The following NTRK2 variants were observed in gnomAD, a reference collection of about 807,000 sequenced individuals.
The protein encoded by NTRK2 is neurotrophic receptor tyrosine kinase 2, also known as BDNF/NT-3 growth factors receptor.
Under a neutral mutation model 94.5 loss-of-function variants are expected in NTRK2, and 13 were observed. The observed-to-expected ratio is 0.14, with a 90% CI of 0.09 to 0.22. The LOEUF (loss-of-function observed/expected upper bound fraction) is 0.22, where lower values mean the gene tolerates loss of function less well. Among genes scored for constraint, NTRK2 ranks in the 10% least tolerant of loss-of-function variants. The pLI is 1.00. For synonymous variants in NTRK2, 372 were observed against 407.4 expected, an observed-to-expected ratio of 0.91 and a Z score of 1.05; for missense variants, 639 against 1,071.2, an observed-to-expected ratio of 0.60 and a Z score of 5.63.
intron 17 of NTRK2, among the ~76,000 whole-genome samples, chr9:85,001,427 C>T (rs1830332074): frequency 6.6e-6 from 1 of 152,212 alleles, no homozygotes; most frequent in African/African-American, 2.4e-5. Flanking sequence ...CTCAGCTCCA[C>T]CATCTTTGTC....
intron 12 of NTRK2, among the ~76,000 whole-genome samples, chr9:84,828,334 T>C (rs1290259087): frequency 1.3e-5 from 2 of 152,236 alleles, no homozygotes; most frequent in Non-Finnish European, 2.9e-5. Context: ...CAAAGAGCTA[T>C]AACTTCATTA....
chr9:84,713,886 GT>G (rs201627891), intron 6 of NTRK2, among the ~76,000 whole-genome samples: 2,473 of 139,860 alleles, frequency 0.018, 37 homozygotes, highest in African/African-American at 0.04. Flanking sequence ...CTAGATGTGG[GT>G]TTTTTTTTTT....
At chr9:84,930,264 G>A (rs925604144) in intron 14 of NTRK2, among the ~76,000 whole-genome samples, 1 of 152,220 alleles carries the variant, frequency 6.6e-6, no homozygotes, top group Non-Finnish European at 1.5e-5. Flanking sequence ...AGCTGGAGGA[G>A]AAATGGCAGC....
intron 9 of NTRK2, among the ~76,000 whole-genome samples, chr9:84,736,308 C>A (rs192721681): frequency 1.3e-5 from 2 of 152,286 alleles, no homozygotes; most frequent in Admixed American, 6.5e-5. Flanking sequence ...ATGCGAAATG[C>A]GCGTCAGGAA....
intron 14 of NTRK2, among the ~76,000 whole-genome samples, chr9:84,905,415 G>T (rs532108571): frequency 1.3e-5 from 2 of 152,236 alleles, no homozygotes; most frequent in South Asian, 4.1e-4. Flanking sequence ...TCACCTGAAG[G>T]ATAGAGGGAA....
chr9:85,012,070 C>T (rs904731487), intron 17 of NTRK2, among the ~76,000 whole-genome samples: 9 of 151,692 alleles, frequency 5.9e-5, no homozygotes, highest in African/African-American at 2.2e-4. Context: ...CTCACTGCAA[C>T]CTCCGCCTCC....
At chr9:84,835,998 GGCA>G (rs760861169) in intron 12 of NTRK2, among the ~76,000 whole-genome samples, 77 of 152,256 alleles carry the variant, frequency 5.1e-4, no homozygotes, top group Middle Eastern at 6.8e-3. Context: ...ATTGTGCCAA[GGCA>G]TAATGCTAGA....
intron 12 of NTRK2, chr9:84,812,379 G>A (rs2071905389): frequency 9.4e-7 from 1 of 1,058,362 alleles, no homozygotes; most frequent in Non-Finnish European, 1.1e-6. Flanking sequence ...CTCAAAAGCA[G>A]AAACATGCCG....
chr9:84,810,936 T>G (rs2071711978), intron 12 of NTRK2: 4 of 1,158,408 alleles, frequency 3.5e-6, no homozygotes, highest in Non-Finnish European at 4.3e-6. Flanking sequence ...CTACTGGACA[T>G]TTATTGACTT....
At chr9:84,752,144 T>C in intron 12 of NTRK2, 59 bp downstream of exon 12, 2 of 1,286,942 alleles carry the variant, frequency 1.6e-6, no homozygotes, top group East Asian at 2.3e-5. Flanking sequence ...TTATGACTAA[T>C]GCTAATTACC....
chr9:84,890,557 C>T (rs932905823), intron 14 of NTRK2, among the ~76,000 whole-genome samples: 5 of 152,106 alleles, frequency 3.3e-5, no homozygotes, highest in African/African-American at 1.2e-4. Flanking sequence ...TATAGCTGAC[C>T]ATTTGAATGA....
intron 15 of NTRK2, among the ~76,000 whole-genome samples, chr9:84,943,700 A>G (rs541468554): frequency 9.8e-4 from 149 of 152,312 alleles, no homozygotes; most frequent in African/African-American, 3.1e-3. Context: ...GCCTCAGTGC[A>G]TTGCCAAGGG....
intron 12 of NTRK2, among the ~76,000 whole-genome samples, chr9:84,852,399 C>T (rs572637023): frequency 1.1e-4 from 17 of 152,286 alleles, no homozygotes; most frequent in African/African-American, 3.1e-4. Context: ...CAGGGAGCTT[C>T]GACAGCTGAG....
chr9:84,724,832 T>A (rs1360070388), intron 8 of NTRK2, among the ~76,000 whole-genome samples: 2 of 152,236 alleles, frequency 1.3e-5, no homozygotes, highest in Non-Finnish European at 2.9e-5. Context: ...TGTGAGAAGG[T>A]AGGATTAGTC....
At chr9:84,682,275 T>C (rs1330732803) in intron 2 of NTRK2, among the ~76,000 whole-genome samples, 1 of 152,250 alleles carries the variant, frequency 6.6e-6, no homozygotes, top group Non-Finnish European at 1.5e-5. Context: ...AAAGTGATTT[T>C]GCACATCTTC....
At chr9:84,981,602 G>A (rs992335079) in intron 17 of NTRK2, among the ~76,000 whole-genome samples, 1 of 152,032 alleles carries the variant, frequency 6.6e-6, no homozygotes, top group Non-Finnish European at 1.5e-5. Context: ...ATAACTGAAA[G>A]CTGATGTGTT....
At chr9:84,845,878 C>A (rs1024321140) in intron 12 of NTRK2, among the ~76,000 whole-genome samples, 1 of 150,496 alleles carries the variant, frequency 6.6e-6, no homozygotes, top group Non-Finnish European at 1.5e-5. Flanking sequence ...CTAAAGAATT[C>A]ATCCATGTAA....
At position 84,856,723 on chromosome 9, in the gene NTRK2, A is replaced by G. The variant is rs74657769; in HGVS notation, c.1397-4317A>G. ...ATCATATTTTACCGTTTGATTCCAT[A>G]TTCCATGACAATGGTAAAGTCATTT... On this transcript the variant is annotated intron_variant, in intron 12 of 18. Coordinates refer to ENST00000277120, the MANE Select transcript of NTRK2 (RefSeq NM_006180.6). Among the ~76,000 whole-genome samples the G allele has an allele frequency of 2.9e-3, 437 of 152,296 alleles. 2 individuals carry two copies. Among genetic ancestry groups the G allele is most frequent in the African/African-American group, 9.7e-3 (401 of 41,554 alleles).
In NTRK2 at chr9:84,945,075, G is replaced by A. The variant is rs190260965; in HGVS notation, c.1765-3387G>A. Among the ~76,000 whole-genome samples the A allele has an allele frequency of 9.7e-4, 147 of 152,278 alleles. 2 individuals carry two copies. Among genetic ancestry groups the A allele is most frequent in the African/African-American group, 3.4e-3 (141 of 41,554 alleles). On this transcript the variant is annotated intron_variant, in intron 15 of 18. Transcript: ENST00000277120. ...AGGATTTGTCATTTTACTGGAAGGGGAACACAAGTTTGGGGCCAACTCTCC... is the reference window on the plus strand; with the variant it reads ...AGGATTTGTCATTTTACTGGAAGGGAAACACAAGTTTGGGGCCAACTCTCC...
Sources: allele counts gnomAD v4.1 joint callset (sites outside exome capture counted in the v4.1 genomes callset), GRCh38; gene constraint gnomAD v4.1.1; transcripts MANE v1.5; gene names NCBI Gene and HGNC (gene_info 2026-07-23, HGNC 2026-07-21).